The following TBC1D2B variants were observed in gnomAD, a reference collection of about 807,000 sequenced individuals.
The protein encoded by TBC1D2B is TBC1 domain family member 2B.
Under a neutral mutation model 100.8 loss-of-function variants are expected in TBC1D2B, and 64 were observed. The ratio of observed to expected loss-of-function variants is 0.64; its 90% confidence interval spans 0.52 to 0.78. The LOEUF is 0.78. Ranked by LOEUF, TBC1D2B falls within the 30% of genes least tolerant of loss-of-function variation. The pLI, the probability that TBC1D2B is intolerant of heterozygous loss-of-function variation, is 0.00. For missense variants in TBC1D2B, 1,052 were observed against 1,218.4 expected (o/e 0.86, Z 2.03); for synonymous variants, 480 against 479.7 (o/e 1.00, Z -0.01).
At chr15:78,032,975 T>A (rs959906213) in intron 3 of TBC1D2B, among the ~76,000 whole-genome samples, 1 of 152,204 alleles carries the variant, frequency 6.6e-6, no homozygotes, top group Non-Finnish European at 1.5e-5. Flanking sequence ...CTAAATCTGA[T>A]GTAAACCATC....
Position 78,012,875 on chromosome 15 carries a change from G to A in TBC1D2B, c.2218C>T (p.Leu740Phe). The A allele has an allele frequency of 6.6e-7, 1 of 1,519,136 alleles. No individual in the cohort carries two copies. The highest frequency in any genetic ancestry group is 8.8e-7 in the Non-Finnish European group (1 of 1,134,088). The allele number at this position is 1,519,136 out of a possible 1,614,324, so 94.1% of individuals were successfully genotyped here. Reference sequence around the variant, plus strand: ...TCTGGATTCCGCCAGGAGAAGGCGAGGAGGACATTGCGTAACTTCTGTATG... The same window carrying A: ...TCTGGATTCCGCCAGGAGAAGGCGAAGAGGACATTGCGTAACTTCTGTATG... ...EGIQKLRNVL[L>F]AFSWRNPDIG... The change falls in exon 9 of 13, where the codon CTC becomes TTC. Residue 740 changes from leucine (L) to phenylalanine (F), a missense_variant. Coordinates refer to ENST00000300584, the MANE Select transcript of TBC1D2B (RefSeq NM_144572.2).
At chr15:78,045,202 A>T in intron 2 of TBC1D2B, 134 bp from the exon 3 acceptor site, 2 of 729,978 alleles carry the variant, frequency 2.7e-6, no homozygotes, top group Non-Finnish European at 4.2e-6. Flanking sequence ...TGTATACTAC[A>T]TAAAAACATA....
chr15:78,042,987 A>C (rs951440556), intron 3 of TBC1D2B, among the ~76,000 whole-genome samples: 1 of 152,146 alleles, frequency 6.6e-6, no homozygotes, highest in African/African-American at 2.4e-5. Flanking sequence ...ATGAGGAAGG[A>C]AGGCAGGGCC....
intron 3 of TBC1D2B, among the ~76,000 whole-genome samples, chr15:78,032,302 C>T (rs1268256352): frequency 2.0e-5 from 3 of 152,136 alleles, no homozygotes; most frequent in African/African-American, 7.2e-5. Flanking sequence ...TCCCTAAAGC[C>T]TGTGCTCATC....
At chr15:78,038,967 G>C (rs1015490107) in intron 3 of TBC1D2B, among the ~76,000 whole-genome samples, 2 of 152,170 alleles carry the variant, frequency 1.3e-5, no homozygotes, top group Non-Finnish European at 2.9e-5. Context: ...GCTCCTGGGG[G>C]CTATCAGAAA....
intron 2 of TBC1D2B, among the ~76,000 whole-genome samples, chr15:78,051,931 A>T (rs1180793882): frequency 2.0e-5 from 3 of 152,134 alleles, no homozygotes; most frequent in Non-Finnish European, 2.9e-5. Flanking sequence ...TGGGGCCCAA[A>T]GTTTCATTCC....
In TBC1D2B at chr15:78,064,404, CAGAAT is replaced by C. The variant is rs1356737914; in HGVS notation, c.361-10222_361-10218del. Among the ~76,000 whole-genome samples the C allele has an allele frequency of 2.8e-4, 42 of 152,118 alleles. 1 individual carries two copies. The highest frequency in any genetic ancestry group is 1.5e-5 in the Non-Finnish European group (1 of 68,022). On this transcript the variant is annotated intron_variant, in intron 1 of 12. Transcript: ENST00000300584. ...AGCCACAGGAAGGAAAATATATATA[CAGAAT>C]AGGTCAAGTCTGCATACCTTCTAGA... is the stretch of plus-strand genomic sequence containing the variant.
At chr15:78,055,180 G>T (rs1168663632) in intron 1 of TBC1D2B, among the ~76,000 whole-genome samples, 1 of 152,120 alleles carries the variant, frequency 6.6e-6, no homozygotes, top group Non-Finnish European at 1.5e-5. Context: ...GAGGGGAGCA[G>T]CTGACTACAA....
intron 3 of TBC1D2B, among the ~76,000 whole-genome samples, chr15:78,038,529 T>C (rs1188379184): frequency 2.0e-5 from 3 of 152,186 alleles, no homozygotes; most frequent in Non-Finnish European, 2.9e-5. Context: ...GAAGGCCATG[T>C]TCAGCAGCAC....
chr15:78,028,295 T>C (rs948203802), intron 4 of TBC1D2B, among the ~76,000 whole-genome samples: 3 of 152,072 alleles, frequency 2.0e-5, no homozygotes, highest in Admixed American at 2.0e-4. Context: ...GCCAACATGA[T>C]GAAACCCTGT....
intron 1 of TBC1D2B, among the ~76,000 whole-genome samples, chr15:78,056,439 T>G (rs2073422808): frequency 6.6e-6 from 1 of 152,142 alleles, no homozygotes; most frequent in Admixed American, 6.5e-5. Flanking sequence ...GGTGCACAGT[T>G]TGCATAGGAG....
Position 78,017,913 on chromosome 15 carries a change from C to T in TBC1D2B, c.1515G>A (p.Lys505=), listed in dbSNP as rs889713658. 3 of 1,610,296 alleles carry T rather than the reference C, an allele frequency of 1.9e-6. No homozygotes were observed. In the African/African-American group the frequency reaches 4.0e-5, roughly 22 times the overall value. Residue 505 remains lysine, a synonymous_variant, in exon 7 of 13, where the codon AAG becomes AAA. Transcript: ENST00000300584. ...GYKTQNKFLN[K]EILELSALRR... Reference sequence around the variant, plus strand: ...GTAGAGCTGAGAGTTCCAAAATCTCCTTATTTAGAAATTTGTTTTGGGTTT... The same window carrying T: ...GTAGAGCTGAGAGTTCCAAAATCTCTTTATTTAGAAATTTGTTTTGGGTTT...
chr15:78,006,332 C>T (rs565434503), intron 10 of TBC1D2B, among the ~76,000 whole-genome samples: 1 of 152,362 alleles, frequency 6.6e-6, no homozygotes, highest in Admixed American at 6.5e-5. Flanking sequence ...TCTAATCCCA[C>T]CCGACTGACT....
intron 6 of TBC1D2B, among the ~76,000 whole-genome samples, chr15:78,023,771 C>T (rs1466728957): frequency 6.6e-6 from 1 of 152,210 alleles, no homozygotes; most frequent in African/African-American, 2.4e-5. Flanking sequence ...ACCAGGCATC[C>T]ACTAGGTCCT....
chr15:78,040,857 A>AG (rs1175281416), intron 3 of TBC1D2B, among the ~76,000 whole-genome samples: 85 of 140,242 alleles, frequency 6.1e-4, no homozygotes, highest in African/African-American at 2.1e-3. Flanking sequence ...AAAGAAAGGA[A>AG]GAAAGAAAGA....
At chr15:78,026,796 GAGGCTGAGGC>G (rs997017093) in intron 4 of TBC1D2B, among the ~76,000 whole-genome samples, 9 of 151,862 alleles carry the variant, frequency 5.9e-5, no homozygotes, top group Non-Finnish European at 1.2e-4. Flanking sequence ...AGCTACTCAG[GAGGCTGAGGC>G]AGGAGAATCA....
chr15:78,041,607 T>C (rs180937116), intron 3 of TBC1D2B, among the ~76,000 whole-genome samples: 1 of 152,358 alleles, frequency 6.6e-6, no homozygotes, highest in Admixed American at 6.5e-5. Flanking sequence ...TCATTTATAA[T>C]ACAGTAATCT....
rs756000014 is a variant in TBC1D2B, at chr15:78,045,042, A to C, written c.541T>G (p.Ser181Ala). Residue 181 changes from serine (S) to alanine (A), a missense_variant, in exon 3 of 13, where the codon TCT becomes GCT. Ser to Ala is a moderately conservative substitution (Grantham distance 99). Coordinates refer to ENST00000300584, the MANE Select transcript of TBC1D2B (RefSeq NM_144572.2). The part of the protein sequence containing the change: ...TDLIYPHPNA[S>A]AEKARNVLAV... ...AGGACATTTCTGGCTTTTTCTGCAG[A>C]AGCATTTGGGTGTGGGTAAATTAAA... 3 of 1,612,330 alleles carry C rather than the reference A, an allele frequency of 1.9e-6. No individual in the cohort carries two copies. Among genetic ancestry groups the C allele is most frequent in the Non-Finnish European group, 2.5e-6 (3 of 1,179,038 alleles).
intron 6 of TBC1D2B, among the ~76,000 whole-genome samples, chr15:78,023,501 C>T (rs1567019546): frequency 1.3e-5 from 2 of 152,218 alleles, no homozygotes; most frequent in Non-Finnish European, 2.9e-5. Context: ...CTGTGTGTTC[C>T]TCCTACCGCA....
Sources: gnomAD v4.1 joint callset for allele counts (sites outside exome capture counted in the v4.1 genomes callset) on GRCh38, gnomAD v4.1.1 for gene constraint, MANE v1.5 for transcripts, NCBI Gene and HGNC (gene_info 2026-07-23, HGNC 2026-07-21) for gene names.